TOP3A: variants seen among roughly 807,000 people sequenced by gnomAD.
The protein encoded by TOP3A is DNA topoisomerase 3-alpha.
Under a neutral mutation model 111.3 loss-of-function variants are expected in TOP3A, and 64 were observed. That is an observed-to-expected ratio of 0.57 (90% CI 0.47 to 0.71). The LOEUF (loss-of-function observed/expected upper bound fraction) is 0.71. Ranked by LOEUF, TOP3A falls within the 30% of genes least tolerant of loss-of-function variation. TOP3A has a pLI of 0.00. For synonymous variants in TOP3A, 484 were observed against 485.1 expected, an observed-to-expected ratio of 1.00 and a Z score of 0.03; for missense variants, 1,104 against 1,285.0, an observed-to-expected ratio of 0.86 and a Z score of 2.15.
chr17:18,296,058 G>A (rs768462563), intron 9 of TOP3A, among the ~76,000 whole-genome samples: 19 of 151,994 alleles, frequency 1.3e-4, no homozygotes, highest in Admixed American at 1.0e-3. Flanking sequence ...GAGCCACTGC[G>A]CCCGGCCCGA....
In TOP3A at chr17:18,299,718, C is replaced by G. The variant is rs2142980163; in HGVS notation, c.916-85G>C. 4 of 1,272,306 alleles carry G rather than the reference C, an allele frequency of 3.1e-6. No individual in the cohort carries two copies. The East Asian group carries it at 9.3e-5, about 30-fold the overall frequency. The allele number at this position is 1,272,306 out of a possible 1,614,324, so 78.8% of individuals were successfully genotyped here. On this transcript the variant is annotated intron_variant, in intron 8 of 18. Transcript: ENST00000321105. ...CTATGGATAGCCCATGCCAATCCTT[C>G]TAGATCACACTGACCACCGCCAGCT... is the stretch of plus-strand genomic sequence containing the variant.
At chr17:18,311,067 C>T (rs1163921900) in intron 1 of TOP3A, among the ~76,000 whole-genome samples, 1 of 150,020 alleles carries the variant, frequency 6.7e-6, no homozygotes, top group African/African-American at 2.5e-5. Flanking sequence ...GTGGCACAAT[C>T]TCGGCTCACT....
chr17:18,278,009 C>A lies in TOP3A; in HGVS notation c.2493G>T (p.Arg831=). The part of the protein sequence containing the change: ...LLTVRKEGPN[R]GRQFFKCNGG... The stretch of plus-strand genomic sequence containing the variant: ...CGTTGCACTTAAAGAACTGCCGGCC[C>A]CGGTTGGGGCCCTCCTTACGGACAG... The change falls in exon 18 of 19, where the codon CGG becomes CGT. Residue 831 remains arginine (R), a synonymous_variant. Transcript: ENST00000321105. The A allele has an allele frequency of 6.2e-7, 1 of 1,614,144 alleles. No individual in the cohort carries two copies. Among genetic ancestry groups the A allele is most frequent in the South Asian group, 1.1e-5 (1 of 91,090 alleles).
chr17:18,288,154 T>TATATATAAA (rs1427846577), intron 13 of TOP3A, among the ~76,000 whole-genome samples: 3 of 132,608 alleles, frequency 2.3e-5, no homozygotes, highest in African/African-American at 9.6e-5. Flanking sequence ...TATATAAATT[T>TATATATAAA]TTTTTTTTTT....
Position 18,292,801 on chromosome 17 carries a change from G to A in TOP3A, c.1125C>T (p.Asn375=), listed in dbSNP as rs1339949384. 1 of 1,614,036 alleles carries A rather than the reference G, an allele frequency of 6.2e-7. No homozygotes were observed. The highest frequency in any genetic ancestry group is 1.7e-5 in the Admixed American group (1 of 59,996). The change falls in exon 11 of 19, where the codon AAC becomes AAT. Residue 375 remains asparagine, a synonymous_variant. Transcript: ENST00000321105. The stretch of plus-strand genomic sequence containing the variant: ...TCTGCTGTTCCACCAACACCGTCAG[G>A]TTTAAGTCTCTGGGAAAAATGTTTG... ...TETNIFPRDL[N]LTVLVEQQTP...
intron 17 of TOP3A, among the ~76,000 whole-genome samples, chr17:18,279,779 T>G (rs1244947055): frequency 6.6e-6 from 1 of 152,160 alleles, no homozygotes; most frequent in African/African-American, 2.4e-5. Flanking sequence ...CCTAGACCTC[T>G]AGGATCAAGC....
intron 2 of TOP3A, 175 bp from the exon 3 acceptor site, chr17:18,308,599 A>G (rs1481815111): frequency 1.9e-6 from 1 of 535,522 alleles, no homozygotes; most frequent in African/African-American, 1.9e-5. Context: ...TACAATCACC[A>G]TTCTAATGAT....
In TOP3A at chr17:18,277,661, C is replaced by A; in HGVS notation, c.2827+14G>T. ...AACTGAAGGCAGGGATTCCCATGCC[C>A]CTCCCTGCCTCACCTGGAGCGGTGT... On this transcript the variant is annotated intron_variant, in intron 18 of 18. Coordinates refer to ENST00000321105, the MANE Select transcript of TOP3A (RefSeq NM_004618.5). The A allele has an allele frequency of 1.3e-6, 2 of 1,593,028 alleles. No homozygotes were observed. Among genetic ancestry groups the A allele is most frequent in the Admixed American group, 1.7e-5 (1 of 59,458 alleles).
At chr17:18,303,385 G>C (rs1360723595) in intron 5 of TOP3A, among the ~76,000 whole-genome samples, 2 of 152,160 alleles carry the variant, frequency 1.3e-5, no homozygotes, top group Non-Finnish European at 2.9e-5. Flanking sequence ...ACTCGTAAAG[G>C]GTCAGTGCTG....
intron 9 of TOP3A, among the ~76,000 whole-genome samples, chr17:18,296,910 T>C (rs1462284398): frequency 6.6e-6 from 1 of 152,308 alleles, no homozygotes; most frequent in Admixed American, 6.5e-5. Context: ...TAGGTTCATA[T>C]AGCAGATTAT....
chr17:18,288,968 C>T (rs572708337), intron 13 of TOP3A, among the ~76,000 whole-genome samples: 3 of 152,262 alleles, frequency 2.0e-5, no homozygotes, highest in Non-Finnish European at 2.9e-5. Context: ...CTCAAGTGAT[C>T]CTCCCACCTC....
At chr17:18,276,875 T>G (rs1254582731) in intron 18 of TOP3A, among the ~76,000 whole-genome samples, 1 of 152,142 alleles carries the variant, frequency 6.6e-6, no homozygotes, top group African/African-American at 2.4e-5. Flanking sequence ...TCATCGGGGT[T>G]GGCATCTTCA....
intron 11 of TOP3A, among the ~76,000 whole-genome samples, chr17:18,291,915 T>C (rs939929936): frequency 2.0e-5 from 3 of 152,156 alleles, no homozygotes; most frequent in Admixed American, 6.6e-5. Context: ...GGTTTCACCA[T>C]GTTGGCCAAG....
At chr17:18,291,694 CTTAAT>C (rs1418125647) in intron 11 of TOP3A, among the ~76,000 whole-genome samples, 3 of 152,064 alleles carry the variant, frequency 2.0e-5, no homozygotes, top group Non-Finnish European at 4.4e-5. Flanking sequence ...TTTTGTATTT[CTTAAT>C]TTGTCTAAAA....
chr17:18,297,561 T>C (rs1462300746), intron 9 of TOP3A, among the ~76,000 whole-genome samples: 2 of 152,218 alleles, frequency 1.3e-5, no homozygotes, highest in African/African-American at 4.8e-5. Flanking sequence ...TGCCTGCGAT[T>C]GCAGGCGCGC....
At chr17:18,308,525 T>G in intron 2 of TOP3A, 101 bp from the exon 3 acceptor site, 1 of 783,426 alleles carries the variant, frequency 1.3e-6, no homozygotes, top group Non-Finnish European at 2.0e-6. Flanking sequence ...AAGACATTTT[T>G]AAAAACCTGA....
At position 18,292,824 on chromosome 17, in the gene TOP3A, T is replaced by C. The variant is rs1285078923; in HGVS notation, c.1102A>G (p.Asn368Asp). 6.2e-7 allele frequency: 1 copy of C among 1,613,858 alleles called. No homozygotes were observed. The highest frequency in any genetic ancestry group is 8.5e-7 in the Non-Finnish European group (1 of 1,179,864). The change falls in exon 11 of 19, where the codon AAC (asparagine) becomes GAC (aspartate). Residue 368 changes from asparagine (N) to aspartate (D), a missense_variant. Physicochemically the swap from Asn to Asp is conservative, Grantham distance 23. Coordinates refer to ENST00000321105, the MANE Select transcript of TOP3A (RefSeq NM_004618.5). ...AGGTTTAAGTCTCTGGGAAAAATGT[T>C]TGTTTCTGTTCGGGGATAGCTGATG... is the stretch of plus-strand genomic sequence containing the variant. The part of the protein sequence containing the change: ...GYISYPRTET[N>D]IFPRDLNLTV...
chr17:18,278,159 G>T lies in TOP3A; in HGVS notation c.2343C>A (p.Pro781=). The change falls in exon 18 of 19, where the codon CCC becomes CCA. Residue 781 remains proline, a synonymous_variant. Transcript: ENST00000321105. ...SLNRMDNSQH[P]QPADSRQTGS... Reference sequence around the variant, plus strand: ...CAGTCTGTCTGCTGTCAGCAGGCTGGGGGTGCTGGCTGTTGTCCATCCTGT... The same window carrying T: ...CAGTCTGTCTGCTGTCAGCAGGCTGTGGGTGCTGGCTGTTGTCCATCCTGT... 6.2e-7 allele frequency: 1 copy of T among 1,614,162 alleles called. No individual in the cohort carries two copies. The highest frequency in any genetic ancestry group is 8.5e-7 in the Non-Finnish European group (1 of 1,180,012).
intron 15 of TOP3A, among the ~76,000 whole-genome samples, chr17:18,283,403 T>A (rs1418898744): frequency 1.3e-5 from 2 of 151,954 alleles, no homozygotes; most frequent in African/African-American, 2.4e-5. Context: ...AGGGTCCATG[T>A]ACAAACTCCA....
Sources: gnomAD v4.1 joint callset for allele counts (sites outside exome capture counted in the v4.1 genomes callset) on GRCh38, gnomAD v4.1.1 for gene constraint, MANE v1.5 for transcripts, NCBI Gene and HGNC (gene_info 2026-07-23, HGNC 2026-07-21) for gene names.